The following CMC1 variants were observed in gnomAD, a reference collection of about 807,000 sequenced individuals.
The protein encoded by CMC1 is COX assembly mitochondrial protein homolog.
Under a neutral mutation model 14.1 loss-of-function variants are expected in CMC1, and 14 were observed. The ratio of observed to expected loss-of-function variants is 0.99; its 90% CI spans 0.66 to 1.55. The LOEUF (loss-of-function observed/expected upper bound fraction) is 1.55, where lower values mean the gene tolerates loss of function less well. CMC1 is among the 40% of genes most tolerant of loss of function. The probability of loss-of-function intolerance (pLI) is 0.00; values close to 1 mark genes in which losing one functional copy is unlikely to be tolerated. For missense variants in CMC1, 127 were observed against 123.8 expected (o/e 1.03, Z -0.12); for synonymous variants, 50 against 38.4 (o/e 1.30, Z -1.12).
At chr3:28,306,028 C>A (rs938890987) in intron 2 of CMC1, among the ~76,000 whole-genome samples, 1 of 151,774 alleles carries the variant, frequency 6.6e-6, no homozygotes, top group South Asian at 2.1e-4. Flanking sequence ...GTTCTCTGTT[C>A]TGTTCCATTG....
chr3:28,317,393 G>C lies in CMC1; in HGVS notation c.200+970G>C, dbSNP rs143154973. 2.2e-4 allele frequency: 33 copies of C among 151,892 alleles called. 2 individuals are homozygous for C. Among genetic ancestry groups the C allele is most frequent in the South Asian group, 1.2e-3 (6 of 4,810 alleles). The allele number at this position is 151,892 out of a possible 1,614,324, so 9.4% of individuals were successfully genotyped here. A position where few individuals can be genotyped will look rare whatever the true frequency, so the allele number is the denominator to read the frequency against. On this transcript the variant is annotated intron_variant, in intron 3 of 3. Transcript: ENST00000466830. Reference sequence around the variant, plus strand: ...AGCCCTTATTTATGGTCCAGGTATTGTACTCAGTGCTTTACCATATAGGAG... The same window carrying C: ...AGCCCTTATTTATGGTCCAGGTATTCTACTCAGTGCTTTACCATATAGGAG...
chr3:28,282,909 TA>T (rs1700972046), intron 2 of CMC1, among the ~76,000 whole-genome samples: 1 of 152,198 alleles, frequency 6.6e-6, no homozygotes, highest in South Asian at 2.1e-4. Flanking sequence ...CAGCAGAGCT[TA>T]AGAAAATCCG....
intron 2 of CMC1, among the ~76,000 whole-genome samples, chr3:28,274,179 T>C (rs1220007309): frequency 1.3e-5 from 2 of 151,452 alleles, no homozygotes; most frequent in Non-Finnish European, 2.9e-5. Flanking sequence ...AGTTGCTTCA[T>C]AGTGTCATTG....
intron 2 of CMC1, among the ~76,000 whole-genome samples, chr3:28,294,702 C>CTTT (rs570205475): frequency 1.9e-3 from 294 of 152,100 alleles, no homozygotes; most frequent in African/African-American, 6.7e-3. Context: ...TTAAAAAAAT[C>CTTT]TTTTTAACTT....
chr3:28,314,049 A>G (rs547371754), intron 2 of CMC1, among the ~76,000 whole-genome samples: 8 of 152,296 alleles, frequency 5.3e-5, no homozygotes, highest in African/African-American at 1.7e-4. Flanking sequence ...AATCCAGCCC[A>G]TGGTTCATTA....
chr3:28,246,199 C>T (rs1180794989), intron 1 of CMC1, among the ~76,000 whole-genome samples: 1 of 151,512 alleles, frequency 6.6e-6, no homozygotes, highest in Non-Finnish European at 1.5e-5. Context: ...AAAAAAAAGA[C>T]CTAACATCTA....
intron 3 of CMC1, chr3:28,317,359 T>A (rs1702978572): frequency 6.6e-6 from 1 of 152,026 alleles, no homozygotes; most frequent in Admixed American, 6.6e-5. Context: ...AAGTTAATAA[T>A]ATCAAAGCAG....
rs145570902 is a variant in CMC1, at chr3:28,279,673, C to T, written c.109+16293C>T. Among the ~76,000 whole-genome samples the T allele has an allele frequency of 7.9e-3, 1,092 of 138,472 alleles. 14 individuals carry two copies. Among genetic ancestry groups the T allele is most frequent in the African/African-American group, 0.024 (924 of 38,414 alleles). 90.8% of individuals were successfully genotyped at this position (138,472 alleles called of 152,430 possible). Reference sequence around the variant, plus strand: ...CTAAAACTGAAAAAAAAAAAACTGACATAAAACTTTTAGAATGGAAATGAA... The same window carrying T: ...CTAAAACTGAAAAAAAAAAAACTGATATAAAACTTTTAGAATGGAAATGAA... On this transcript the variant is annotated intron_variant, in intron 2 of 3. Transcript: ENST00000466830.
intron 2 of CMC1, among the ~76,000 whole-genome samples, chr3:28,285,039 T>C (rs1701100892): frequency 6.6e-6 from 1 of 152,226 alleles, no homozygotes; most frequent in African/African-American, 2.4e-5. Context: ...TCAGTTTTCA[T>C]ATATGGATTC....
intron 2 of CMC1, among the ~76,000 whole-genome samples, chr3:28,265,710 C>T (rs1027020633): frequency 2.0e-5 from 3 of 151,872 alleles, no homozygotes; most frequent in African/African-American, 7.3e-5. Context: ...AACAGCTTTT[C>T]CATGGACAAA....
chr3:28,301,184 T>C lies in CMC1; in HGVS notation c.110-15149T>C, dbSNP rs527382771. Among the ~76,000 whole-genome samples the C allele has an allele frequency of 9.2e-4, 140 of 152,214 alleles. 1 individual carries two copies. The highest frequency in any genetic ancestry group is 2.3e-3 in the South Asian group (11 of 4,824). On this transcript the variant is annotated intron_variant, in intron 2 of 3. Transcript: ENST00000466830. Reference sequence around the variant, plus strand: ...ACAAGATGAGGAATGGCTAATAATATGTTATTCTTTTCATGATTCCTTACA... The same window carrying C: ...ACAAGATGAGGAATGGCTAATAATACGTTATTCTTTTCATGATTCCTTACA...
chr3:28,293,286 A>G (rs74567298), intron 2 of CMC1, among the ~76,000 whole-genome samples: 1,622 of 150,928 alleles, frequency 0.011, 28 homozygotes, highest in African/African-American at 0.038. Context: ...TTTCCATTTG[A>G]TTAAGCTACA....
At chr3:28,256,377 A>T (rs1431439736) in intron 1 of CMC1, among the ~76,000 whole-genome samples, 2 of 152,086 alleles carry the variant, frequency 1.3e-5, no homozygotes, top group Non-Finnish European at 2.9e-5. Context: ...TCTTCAGGAA[A>T]ACCTCAATTC....
At chr3:28,319,436 GTAAT>G in intron 3 of CMC1, 69 bp from the exon 4 acceptor site, 18 of 1,276,358 alleles carry the variant, frequency 1.4e-5, no homozygotes, top group Non-Finnish European at 2.0e-5. Flanking sequence ...CTGAATATTA[GTAAT>G]TAAAGTAAGC....
chr3:28,282,583 T>C (rs1700956298), intron 2 of CMC1, among the ~76,000 whole-genome samples: 1 of 152,220 alleles, frequency 6.6e-6, no homozygotes, highest in Admixed American at 6.5e-5. Flanking sequence ...TTTAGCTAAA[T>C]AGCTAAACAC....
chr3:28,285,558 G>T (rs1221472199), intron 2 of CMC1, among the ~76,000 whole-genome samples: 1 of 151,922 alleles, frequency 6.6e-6, no homozygotes, highest in African/African-American at 2.4e-5. Context: ...TAAGGGATGA[G>T]AAATCTATTG....
intron 2 of CMC1, among the ~76,000 whole-genome samples, chr3:28,295,313 A>G (rs1701681624): frequency 2.6e-5 from 4 of 152,148 alleles, no homozygotes; most frequent in South Asian, 2.1e-4. Flanking sequence ...AGGAATTCGT[A>G]TGAAAATTTA....
intron 2 of CMC1, among the ~76,000 whole-genome samples, chr3:28,291,243 G>A (rs905488249): frequency 2.0e-5 from 3 of 152,062 alleles, no homozygotes; most frequent in African/African-American, 4.8e-5. Context: ...CTTAATGGGA[G>A]GGGTGACATG....
intron 2 of CMC1, among the ~76,000 whole-genome samples, chr3:28,283,551 C>CAAAAAAAAAAAAAAAAAAAA (rs5847510): frequency 8.5e-6 from 1 of 118,282 alleles, no homozygotes; most frequent in Non-Finnish European, 1.8e-5. Context: ...ACAACAAAAA[C>CAAAAAAAAAAAAAAAAAAAA]AAAAAAAAAA....
Sources: allele counts gnomAD v4.1 joint callset (sites outside exome capture counted in the v4.1 genomes callset), GRCh38; gene constraint gnomAD v4.1.1; transcripts MANE v1.5; gene names NCBI Gene and HGNC (gene_info 2026-07-23, HGNC 2026-07-21).